The following SCNN1B variants were observed in gnomAD, a reference collection of about 807,000 sequenced individuals.
SCNN1B encodes epithelial sodium channel subunit beta.
SCNN1B carries 46 observed loss-of-function variants against 65.3 expected under a neutral mutation model. The observed-to-expected ratio is 0.70, with a 90% CI of 0.56 to 0.90. The LOEUF is 0.90. Among genes scored for constraint, SCNN1B ranks in the 40% least tolerant of loss-of-function variants. SCNN1B has a pLI of 0.00. For synonymous variants in SCNN1B, 349 were observed against 330.6 expected (o/e 1.06, Z -0.60); for missense variants, 751 against 830.5 (o/e 0.90, Z 1.18).
intron 9 of SCNN1B, 23 bp from the exon 10 acceptor site, chr16:23,377,306 A>G: frequency 6.2e-7 from 1 of 1,614,186 alleles, no homozygotes; most frequent in East Asian, 2.2e-5. Flanking sequence ...AGGGACCACA[A>G]CAGGCCTGGC....
In SCNN1B at chr16:23,377,747, C is replaced by CTTCT. The variant is rs1286836677; in HGVS notation, c.1404+369_1404+372dup. Among the ~76,000 whole-genome samples, 114 of 121,920 alleles carry CTTCT rather than the reference C, an allele frequency of 9.4e-4. 12 individuals are homozygous for CTTCT. The allele number at this position is 121,920 out of a possible 152,430, so 80.0% of individuals were successfully genotyped here. On this transcript the variant is annotated intron_variant, in intron 10 of 12. Coordinates refer to ENST00000343070, the MANE Select transcript of SCNN1B (RefSeq NM_000336.3). The stretch of plus-strand genomic sequence containing the variant: ...CTCCCTCCCTCCCCACTTCTGTTTC[C>CTTCT]TTCTTTCTTTCCTTCCTTCCTCCTT...
chr16:23,349,899 A>G (rs1463297216), intron 2 of SCNN1B, among the ~76,000 whole-genome samples: 1 of 152,072 alleles, frequency 6.6e-6, no homozygotes, highest in Non-Finnish European at 1.5e-5. Flanking sequence ...GGAGTTTGAG[A>G]CCAGTCTGGC....
At chr16:23,356,076 C>T (rs529331594) in intron 4 of SCNN1B, among the ~76,000 whole-genome samples, 18 of 152,142 alleles carry the variant, frequency 1.2e-4, no homozygotes, top group Non-Finnish European at 2.4e-4. Context: ...AGGAGGGGAC[C>T]AGCCTTTCTG....
chr16:23,352,301 G>A (rs1962325603), intron 2 of SCNN1B, among the ~76,000 whole-genome samples: 1 of 152,204 alleles, frequency 6.6e-6, no homozygotes, highest in African/African-American at 2.4e-5. Flanking sequence ...GGGTGCTTAG[G>A]TGGGGTGTTC....
chr16:23,380,703 G>T lies in SCNN1B; in HGVS notation c.1825G>T (p.Ala609Ser), dbSNP rs759225811. Reference sequence around the variant, plus strand: ...CACTGGGCCCTACCCCAGTGAGCAGGCCCTGCCCATCCCAGGCACCCCGCC... The same window carrying T: ...CACTGGGCCCTACCCCAGTGAGCAGTCCCTGCCCATCCCAGGCACCCCGCC... The part of the protein sequence containing the change: ...PNTGPYPSEQ[A>S]LPIPGTPPPN... The change falls in exon 13 of 13, where the codon GCC becomes TCC. Residue 609 changes from alanine to serine, a missense_variant. Coordinates refer to ENST00000343070, the MANE Select transcript of SCNN1B (RefSeq NM_000336.3). The surrounding 1 kb of genome is among the most constrained non-coding windows in gnomAD (Gnocchi z 5.4). 66 of 1,612,394 alleles carry T rather than the reference G, an allele frequency of 4.1e-5. No homozygotes were observed. Among genetic ancestry groups the T allele is most frequent in the Non-Finnish European group, 5.6e-5 (66 of 1,179,690 alleles).
rs543845447 is a variant in SCNN1B, at chr16:23,284,860, G to T, written n.178+1056G>T. On this transcript the variant is annotated intron_variant and non_coding_transcript_variant, in intron 2 of 3. Coordinates refer to the SCNN1B transcript ENST00000569789. ...AAATCCTGATTTTCAAGTTCGATCT[G>T]CTACTTTTTAAATGTTGGCAAACAA... Among the ~76,000 whole-genome samples the T allele has an allele frequency of 2.6e-5, 4 of 152,286 alleles. No homozygotes were observed. The South Asian group carries it at 8.3e-4, about 32-fold the overall frequency.
intron 1 of SCNN1B, among the ~76,000 whole-genome samples, chr16:23,315,045 A>G (rs941108235): frequency 2.6e-5 from 4 of 152,164 alleles, no homozygotes; most frequent in African/African-American, 9.7e-5. Flanking sequence ...TAAGAGAAAA[A>G]CATGCCACCG....
intron 8 of SCNN1B, 48 bp from the exon 9 acceptor site, chr16:23,377,116 CT>C (rs1206238861): frequency 6.4e-7 from 1 of 1,554,540 alleles, no homozygotes; most frequent in East Asian, 2.3e-5. Context: ...ACAGGGGCAC[CT>C]AAAAAGCCCC....
Position 23,381,210 on chromosome 16 carries a change from G to A in SCNN1B, c.*409G>A. The A allele has an allele frequency of 3.8e-6, 1 of 264,734 alleles. No homozygotes were observed. Among genetic ancestry groups the A allele is most frequent in the Non-Finnish European group, 7.3e-6 (1 of 136,100 alleles). The allele number at this position is 264,734 out of a possible 1,614,324, so 16.4% of individuals were successfully genotyped here. A position where few individuals can be genotyped will look rare whatever the true frequency, so the allele number is the denominator to read the frequency against. ...TTGGCTGGCCTCTGGGGCAGGGGTG[G>A]TGGAGAGATGGAAGGGCATCAGGTG... On this transcript the variant is annotated 3_prime_UTR_variant, in exon 13 of 13. Transcript: ENST00000343070.
chr16:23,343,273 A>T (rs1417529924), intron 1 of SCNN1B, among the ~76,000 whole-genome samples: 19 of 141,758 alleles, frequency 1.3e-4, no homozygotes, highest in South Asian at 5.2e-4. Flanking sequence ...ACCAACATGG[A>T]TAAACCCCGT....
intron 1 of SCNN1B, among the ~76,000 whole-genome samples, chr16:23,336,676 A>AT (rs963152976): frequency 5.9e-5 from 9 of 151,404 alleles, no homozygotes; most frequent in Non-Finnish European, 1.0e-4. Context: ...GGCCAAGATG[A>AT]TTTTTTTTTC....
chr16:23,278,413 GT>G (rs1960735425), intron 1 of SCNN1B: 1 of 152,148 alleles, frequency 6.6e-6, no homozygotes, highest in African/African-American at 2.4e-5. Context: ...CTGTAGTTTT[GT>G]TTTGTTTTGC....
chr16:23,346,381 C>T (rs972554494), intron 1 of SCNN1B, among the ~76,000 whole-genome samples: 1 of 151,486 alleles, frequency 6.6e-6, no homozygotes, highest in African/African-American at 2.4e-5. Context: ...GGGCCCGCCA[C>T]CAGCTAATTT....
chr16:23,328,109 T>C (rs1288344278), intron 1 of SCNN1B, among the ~76,000 whole-genome samples: 1 of 152,208 alleles, frequency 6.6e-6, no homozygotes, highest in Admixed American at 6.5e-5. Context: ...AGGTGTTTTA[T>C]CTAATCTGGT....
At chr16:23,375,155 C>T (rs186272449) in intron 7 of SCNN1B, among the ~76,000 whole-genome samples, 2 of 152,244 alleles carry the variant, frequency 1.3e-5, no homozygotes, top group Admixed American at 1.3e-4. Flanking sequence ...CTGGAGGCTG[C>T]CTGGGAGCCC....
chr16:23,378,623 G>T, intron 10 of SCNN1B, 83 bp from the exon 11 acceptor site: 2 of 1,306,320 alleles, frequency 1.5e-6, no homozygotes, highest in South Asian at 2.4e-5. Context: ...CAGGGCTGTG[G>T]TCTACCTCCC....
intron 7 of SCNN1B, among the ~76,000 whole-genome samples, chr16:23,372,852 C>T (rs754571397): frequency 1.0e-4 from 15 of 150,450 alleles, no homozygotes; most frequent in Non-Finnish European, 2.1e-4. Context: ...GTAATCCCAG[C>T]ACTTTGGGAG....
At chr16:23,372,787 C>T (rs151099021) in intron 7 of SCNN1B, among the ~76,000 whole-genome samples, 4 of 150,976 alleles carry the variant, frequency 2.6e-5, no homozygotes, top group African/African-American at 9.7e-5. Flanking sequence ...CCACCGCACC[C>T]GGACTTTATT....
At chr16:23,290,057 A>G (rs1192255747) in intron 2 of SCNN1B, among the ~76,000 whole-genome samples, 1 of 152,164 alleles carries the variant, frequency 6.6e-6, no homozygotes, top group African/African-American at 2.4e-5. Context: ...AACAACAGAC[A>G]ATGGATTTGA....
Sources: gnomAD v4.1 joint callset for allele counts (sites outside exome capture counted in the v4.1 genomes callset) on GRCh38, gnomAD v4.1.1 for gene constraint, Gnocchi (gnomAD v3.1) non-coding constraint, MANE v1.5 for transcripts, NCBI Gene and HGNC (gene_info 2026-07-23, HGNC 2026-07-21) for gene names.